YTHDF1: variants seen among roughly 807,000 people sequenced by gnomAD.
YTHDF1 encodes the protein YTH N6-methyladenosine RNA binding protein F1.
In YTHDF1, 16 loss-of-function variants were observed where a neutral mutation model predicts 49.1. The ratio of observed to expected loss-of-function variants is 0.33; its 90% confidence interval spans 0.22 to 0.49. The LOEUF (loss-of-function observed/expected upper bound fraction) is 0.49. Ranked by LOEUF, YTHDF1 falls within the 20% of genes least tolerant of loss-of-function variation. The pLI, the probability that YTHDF1 is intolerant of heterozygous loss-of-function variation, is 0.99. For missense variants in YTHDF1, 621 were observed against 744.3 expected (o/e 0.83, Z 1.93); for synonymous variants, 313 against 290.1 (o/e 1.08, Z -0.80).
chr20:63,213,369 C>T (rs1397303933), intron 3 of YTHDF1, among the ~76,000 whole-genome samples: 1 of 152,174 alleles, frequency 6.6e-6, no homozygotes. Context: ...GAGGCAGAGG[C>T]TGCAGCAGGC....
chr20:63,199,125 C>A (rs1297866676), intron 4 of YTHDF1, among the ~76,000 whole-genome samples: 1 of 152,246 alleles, frequency 6.6e-6, no homozygotes, highest in African/African-American at 2.4e-5. Flanking sequence ...AAAGGTGGGT[C>A]TGTTCTTCGA....
intron 3 of YTHDF1, among the ~76,000 whole-genome samples, chr20:63,212,158 C>T (rs937033079): frequency 2.0e-5 from 3 of 152,206 alleles, no homozygotes; most frequent in Admixed American, 6.5e-5. Context: ...TATCCAAAGG[C>T]CCATCACTAA....
chr20:63,202,851 T>C lies in YTHDF1; in HGVS notation c.1089A>G (p.Glu363=). The C allele has an allele frequency of 6.2e-7, 1 of 1,613,902 alleles. No individual in the cohort carries two copies. The highest frequency in any genetic ancestry group is 8.5e-7 in the Non-Finnish European group (1 of 1,180,042). ...TCAGTTTTTCAAGGACGGGGTGGGA[T>C]TCGACGCTGGGGGCAGAATTAGGCT... The part of the protein sequence containing the change: ...NVQPNSAPSV[E]SHPVLEKLKA... The change falls in exon 4 of 5, where the codon GAA becomes GAG. Residue 363 remains glutamate, a synonymous_variant. Coordinates refer to ENST00000370339, the MANE Select transcript of YTHDF1 (RefSeq NM_017798.4).
In YTHDF1 at chr20:63,215,943, C is replaced by G. The variant is rs1239966257; in HGVS notation, c.-51G>C. ...CCGGGGCGCCCGCCGGCTCGGGCCT[C>G]CCCTAGAGGCCGGGCCTGTCACCCT... is the stretch of plus-strand genomic sequence containing the variant. On this transcript the variant is annotated 5_prime_UTR_variant, in exon 1 of 5. Transcript: ENST00000370339. 1 of 1,295,848 alleles carries G rather than the reference C, an allele frequency of 7.7e-7. No homozygotes were observed. Among genetic ancestry groups the G allele is most frequent in the Non-Finnish European group, 9.8e-7 (1 of 1,017,594 alleles). 80.3% of individuals were successfully genotyped at this position (1,295,848 alleles called of 1,614,324 possible).
chr20:63,211,960 T>TACACAC (rs57357558), intron 3 of YTHDF1, among the ~76,000 whole-genome samples: 8 of 143,834 alleles, frequency 5.6e-5, no homozygotes, highest in East Asian at 2.1e-4. Context: ...GTCTCCAAAA[T>TACACAC]ACACACACAC....
chr20:63,196,637 C>G lies in YTHDF1; in HGVS notation c.*71G>C. 7.5e-6 allele frequency: 12 copies of G among 1,593,834 alleles called. No homozygotes were observed. The South Asian group carries it at 1.2e-4, about 16-fold the overall frequency. ...CCCCGCACGGGACGACACACTGGAG[C>G]TGACCAAGCACACGTGTTTTAAACT... On this transcript the variant is annotated 3_prime_UTR_variant, in exon 5 of 5. Coordinates refer to ENST00000370339, the MANE Select transcript of YTHDF1 (RefSeq NM_017798.4).
chr20:63,196,216 C>T lies in YTHDF1; in HGVS notation c.*492G>A, dbSNP rs1443920607. The T allele has an allele frequency of 6.6e-6, 1 of 151,408 alleles. No homozygotes were observed. Among genetic ancestry groups the T allele is most frequent in the African/African-American group, 2.4e-5 (1 of 41,196 alleles). The allele number at this position is 151,408 out of a possible 1,614,324, so 9.4% of individuals were successfully genotyped here. On this transcript the variant is annotated 3_prime_UTR_variant, in exon 5 of 5. Transcript: ENST00000370339. Reference sequence around the variant, plus strand: ...CAAATGGGTAAATTAGCACTTTAGACCGATAACAGATAATAAAATGACAAA... The same window carrying T: ...CAAATGGGTAAATTAGCACTTTAGATCGATAACAGATAATAAAATGACAAA...
chr20:63,199,102 T>C (rs1011691220), intron 4 of YTHDF1, among the ~76,000 whole-genome samples: 5 of 152,252 alleles, frequency 3.3e-5, no homozygotes, highest in African/African-American at 1.2e-4. Flanking sequence ...GGCCAAACTC[T>C]AAATGATAAA....
chr20:63,196,934 C>T (rs763621632), intron 4 of YTHDF1, among the ~76,000 whole-genome samples, 200 bp from the exon 5 acceptor site: 1 of 152,188 alleles, frequency 6.6e-6, no homozygotes, highest in Non-Finnish European at 1.5e-5. Flanking sequence ...CTGGGCATGG[C>T]ATTCTCCCCA....
intron 1 of YTHDF1, 29 bp from the exon 2 acceptor site, chr20:63,215,630 T>C: frequency 2.5e-6 from 4 of 1,599,624 alleles, no homozygotes; most frequent in Non-Finnish European, 3.4e-6. Context: ...GGACGTGGGG[T>C]ACACACAACC....
Position 63,216,040 on chromosome 20 carries a change from G to T in YTHDF1, c.-148C>A. On this transcript the variant is annotated 5_prime_UTR_variant, in exon 1 of 5. Transcript: ENST00000370339. ...CGGGCGGCGGCGGCGGCTGCTGGGC[G>T]CGCGGGCCCCTGGCGAGGCGGCAGC... 1 of 596,888 alleles carries T rather than the reference G, an allele frequency of 1.7e-6. No individual in the cohort carries two copies. Among genetic ancestry groups the T allele is most frequent in the Non-Finnish European group, 2.1e-6 (1 of 476,042 alleles). 37.0% of individuals were successfully genotyped at this position (596,888 alleles called of 1,614,324 possible). A position where few individuals can be genotyped will look rare whatever the true frequency, so the allele number is the denominator to read the frequency against.
intron 3 of YTHDF1, among the ~76,000 whole-genome samples, chr20:63,207,038 C>T (rs1194028589): frequency 6.6e-6 from 1 of 152,218 alleles, no homozygotes; most frequent in African/African-American, 2.4e-5. Flanking sequence ...CTTTGTCTCC[C>T]GCACAGCCAG....
Position 63,203,675 on chromosome 20 carries a change from A to G in YTHDF1, c.265T>C (p.Tyr89His). The G allele has an allele frequency of 6.2e-7, 1 of 1,614,184 alleles. No individual in the cohort carries two copies. Among genetic ancestry groups the G allele is most frequent in the Non-Finnish European group, 8.5e-7 (1 of 1,180,026 alleles). ...TGGTCTCCGTTACTGAGCTGTCCGT[A>G]GGTGGTGAGGTATGGAATCGGAGGG... ...GDPPIPYLTT[Y>H]GQLSNGDHHF... is the part of the protein sequence containing the mutation. Residue 89 changes from tyrosine to histidine, a missense_variant, in exon 4 of 5, where the codon TAC becomes CAC. Around this residue, in one of 2 missense-constraint regions of YTHDF1, gnomAD observed 470 missense variants for 495.8 expected, o/e 0.95. Coordinates refer to ENST00000370339, the MANE Select transcript of YTHDF1 (RefSeq NM_017798.4). This position sits in a 1 kb window ranked among gnomAD's most constrained non-coding sequence, Gnocchi z 4.4.
chr20:63,205,805 G>A (rs1320085566), intron 3 of YTHDF1, among the ~76,000 whole-genome samples: 2 of 152,182 alleles, frequency 1.3e-5, no homozygotes, highest in Non-Finnish European at 2.9e-5. Flanking sequence ...CACAGCGCCT[G>A]GCCCCAGAAT....
chr20:63,201,531 T>G, intron 4 of YTHDF1, among the ~76,000 whole-genome samples: 1 of 152,190 alleles, frequency 6.6e-6, no homozygotes, highest in Non-Finnish European at 1.5e-5. Context: ...CTCAATCCCG[T>G]CAGACATCAC....
intron 4 of YTHDF1, among the ~76,000 whole-genome samples, chr20:63,201,282 T>C (rs1460953177): frequency 1.3e-5 from 2 of 152,132 alleles, no homozygotes; most frequent in African/African-American, 4.8e-5. Context: ...CAAAATACAT[T>C]AGGACACTTG....
In YTHDF1 at chr20:63,215,922, G is replaced by A; in HGVS notation, c.-30C>T. On this transcript the variant is annotated 5_prime_UTR_variant, in exon 1 of 5. Coordinates refer to ENST00000370339, the MANE Select transcript of YTHDF1 (RefSeq NM_017798.4). ...CATGAACAACTAGACGCGGGGCCGG[G>A]GCGCCCGCCGGCTCGGGCCTCCCCT... 7.3e-7 allele frequency: 1 copy of A among 1,368,756 alleles called. No individual in the cohort carries two copies. The highest frequency in any genetic ancestry group is 9.5e-7 in the Non-Finnish European group (1 of 1,055,136). The allele number at this position is 1,368,756 out of a possible 1,614,324, so 84.8% of individuals were successfully genotyped here.
At chr20:63,209,568 G>A (rs566822199) in intron 3 of YTHDF1, among the ~76,000 whole-genome samples, 3 of 152,072 alleles carry the variant, frequency 2.0e-5, no homozygotes, top group Admixed American at 6.6e-5. Flanking sequence ...CCAGGATTTC[G>A]AGAACAGCCC....
At position 63,210,354 on chromosome 20, in the gene YTHDF1, C is replaced by T. The variant is rs1170712686; in HGVS notation, c.132+3510G>A. ...GCCTGGGGGGCCAGCGGCATCTATT[C>T]CCAACTCAGGCATCATGCCAAGACA... On this transcript the variant is annotated intron_variant, in intron 3 of 4. Coordinates refer to ENST00000370339, the MANE Select transcript of YTHDF1 (RefSeq NM_017798.4). Among the ~76,000 whole-genome samples, 6 of 152,198 alleles carry T rather than the reference C, an allele frequency of 3.9e-5. No individual in the cohort carries two copies. The South Asian group carries it at 1.2e-3, about 32-fold the overall frequency.
Sources: gnomAD v4.1 joint callset for allele counts (sites outside exome capture counted in the v4.1 genomes callset) on GRCh38, gnomAD v4.1.1 for gene constraint, gnomAD v4.1.1 regional missense constraint, Gnocchi (gnomAD v3.1) non-coding constraint, MANE v1.5 for transcripts, NCBI Gene and HGNC (gene_info 2026-07-23, HGNC 2026-07-21) for gene names.